PECR: variants seen among roughly 807,000 people sequenced by gnomAD.
PECR encodes the protein 2,4-dienoyl-CoA reductase-related protein.
In PECR, 30 loss-of-function variants were observed where a neutral mutation model predicts 35.3. The ratio of observed to expected loss-of-function variants is 0.85; its 90% CI spans 0.64 to 1.15. The LOEUF (loss-of-function observed/expected upper bound fraction) is 1.15. PECR is among the 50% of genes most tolerant of loss of function. PECR has a pLI of 0.00. For synonymous variants in PECR, 148 were observed against 138.9 expected, an observed-to-expected ratio of 1.07 and a Z score of -0.46; for missense variants, 392 against 370.8, an observed-to-expected ratio of 1.06 and a Z score of -0.47.
At chr2:216,081,487 G>A (rs1695848179) in intron 1 of PECR, 131 bp downstream of exon 1, 2 of 1,111,516 alleles carry the variant, frequency 1.8e-6, no homozygotes, top group Admixed American at 1.7e-5. Context: ...TCGTAATTTC[G>A]CCCACACCTG....
At chr2:216,033,839 C>A (rs1694749819), downstream of PECR, 1 of 152,274 alleles carries the variant, frequency 6.6e-6, no homozygotes, top group African/African-American at 2.4e-5. Flanking sequence ...AACTAACCCA[C>A]AGAGGGCCTT....
intron 4 of PECR, 83 bp from the exon 5 acceptor site, chr2:216,051,628 AC>A: frequency 1.2e-6 from 1 of 862,060 alleles, no homozygotes; most frequent in Non-Finnish European, 2.0e-6. Flanking sequence ...TGTGCCAACT[AC>A]CTGACAGAAT....
At chr2:216,059,026 C>T in intron 3 of PECR, 50 bp from the exon 4 acceptor site, 1 of 1,023,482 alleles carries the variant, frequency 9.8e-7, no homozygotes, top group Non-Finnish European at 1.6e-6. Context: ...GTATCCTGGC[C>T]CTCCTGATAC....
In PECR at chr2:216,038,950, ATCT is replaced by A. The variant is rs1183678465; in HGVS notation, c.*322_*324del. The A allele has an allele frequency of 3.6e-6, 1 of 281,258 alleles. No individual in the cohort carries two copies. The highest frequency in any genetic ancestry group is 6.9e-6 in the Non-Finnish European group (1 of 144,878). 17.4% of individuals were successfully genotyped at this position (281,258 alleles called of 1,614,324 possible). A position where few individuals can be genotyped will look rare whatever the true frequency, so the allele number is the denominator to read the frequency against. Reference sequence around the variant, plus strand: ...TCTACCTTTACAATTAAATAATAAAATCTTCTGGGAGTTCATGATCCCTAGAAT... The same window carrying A: ...TCTACCTTTACAATTAAATAATAAAATCTGGGAGTTCATGATCCCTAGAAT... On this transcript the variant is annotated 3_prime_UTR_variant, in exon 8 of 8. Coordinates refer to ENST00000265322, the MANE Select transcript of PECR (RefSeq NM_018441.6).
rs912312397 is a variant in PECR, at chr2:216,059,421, T to G, written c.425-445A>C. On this transcript the variant is annotated intron_variant, in intron 3 of 7. Coordinates refer to ENST00000265322, the MANE Select transcript of PECR (RefSeq NM_018441.6). ...GAGGTTCATCCACGTTGTAATGTGT[T>G]AATAGTTCCTTTTTGATTGCCGAGT... Among the ~76,000 whole-genome samples the G allele has an allele frequency of 9.6e-4, 146 of 152,236 alleles. 1 individual carries two copies. Among genetic ancestry groups the G allele is most frequent in the Non-Finnish European group, 1.6e-4 (11 of 68,042 alleles).
intron 3 of PECR, among the ~76,000 whole-genome samples, chr2:216,063,574 C>T (rs1181275084): frequency 4.0e-5 from 6 of 151,670 alleles, no homozygotes; most frequent in Admixed American, 6.6e-5. Context: ...GCAGAGATCA[C>T]GCCACTGCAC....
intron 3 of PECR, among the ~76,000 whole-genome samples, chr2:216,061,168 T>C (rs539996544): frequency 1.4e-5 from 2 of 141,746 alleles, no homozygotes; most frequent in South Asian, 2.3e-4. Flanking sequence ...TAGCTGAGCA[T>C]GGTGGTTAGT....
intron 1 of PECR, among the ~76,000 whole-genome samples, chr2:216,071,612 T>A (rs1559218562): frequency 6.6e-6 from 1 of 152,152 alleles, no homozygotes; most frequent in Non-Finnish European, 1.5e-5. Flanking sequence ...CAAGCAATAG[T>A]TGTGCAATAT....
intron 1 of PECR, among the ~76,000 whole-genome samples, chr2:216,069,978 A>G (rs1695555633): frequency 6.6e-6 from 1 of 151,902 alleles, no homozygotes; most frequent in East Asian, 1.9e-4. Flanking sequence ...ATTTCATGAC[A>G]TTGAAAGTAT....
At chr2:216,045,783 C>T (rs909348039) in intron 6 of PECR, among the ~76,000 whole-genome samples, 2 of 152,270 alleles carry the variant, frequency 1.3e-5, no homozygotes, top group East Asian at 3.8e-4. Flanking sequence ...CAAAAAGAGA[C>T]TTGCTCCAAT....
chr2:216,052,152 C>T (rs959853013), intron 4 of PECR, among the ~76,000 whole-genome samples: 4 of 152,182 alleles, frequency 2.6e-5, no homozygotes, highest in Admixed American at 2.6e-4. Flanking sequence ...CACCACTGCA[C>T]TCCAGCCTGG....
At chr2:216,077,623 A>C (rs925204518) in intron 1 of PECR, among the ~76,000 whole-genome samples, 31 of 152,066 alleles carry the variant, frequency 2.0e-4, no homozygotes, top group African/African-American at 7.5e-4. Flanking sequence ...CTGGGCAAAC[A>C]TGGTGAAACC....
chr2:216,065,632 C>T (rs1695451063), intron 2 of PECR, among the ~76,000 whole-genome samples, 155 bp from the exon 3 acceptor site: 2 of 152,190 alleles, frequency 1.3e-5, no homozygotes, highest in East Asian at 3.8e-4. Flanking sequence ...ATGAATAAGA[C>T]TAAAAATCCT....
chr2:216,050,283 T>G (rs1031539725), intron 5 of PECR, among the ~76,000 whole-genome samples: 2 of 152,270 alleles, frequency 1.3e-5, no homozygotes, highest in African/African-American at 4.8e-5. Context: ...ATTCAAACTG[T>G]TGAATTATGG....
chr2:216,077,027 G>A (rs1574709193), intron 1 of PECR, among the ~76,000 whole-genome samples: 1 of 150,350 alleles, frequency 6.7e-6, no homozygotes, highest in East Asian at 2.1e-4. Context: ...CAGCCTCCGA[G>A]TAATTGGGAT....
At chr2:216,062,052 A>ATTT (rs774207430) in intron 3 of PECR, among the ~76,000 whole-genome samples, 2 of 137,210 alleles carry the variant, frequency 1.5e-5, no homozygotes, top group African/African-American at 5.4e-5. Context: ...TGCGTGGTGA[A>ATTT]TTTTTTTTTT....
At chr2:216,045,233 C>G (rs1292628976) in intron 6 of PECR, among the ~76,000 whole-genome samples, 2 of 152,204 alleles carry the variant, frequency 1.3e-5, no homozygotes, top group Non-Finnish European at 2.9e-5. Context: ...AGCAGCCAAG[C>G]CTTCTCTCCA....
chr2:216,056,308 C>A (rs1695224440), intron 4 of PECR, among the ~76,000 whole-genome samples: 1 of 152,108 alleles, frequency 6.6e-6, no homozygotes, highest in African/African-American at 2.4e-5. Context: ...GTAGAGGATA[C>A]CTAAAGCCAT....
chr2:216,039,892 A>T (rs547669324), intron 7 of PECR, among the ~76,000 whole-genome samples: 1 of 152,218 alleles, frequency 6.6e-6, no homozygotes, highest in Admixed American at 6.5e-5. Context: ...CGCCACAGTT[A>T]TTGGTTGGAA....
Sources: allele counts gnomAD v4.1 joint callset (sites outside exome capture counted in the v4.1 genomes callset), GRCh38; gene constraint gnomAD v4.1.1; transcripts MANE v1.5; gene names NCBI Gene and HGNC (gene_info 2026-07-23, HGNC 2026-07-21).